Variants in ZMYM2 observed in about 807,000 individuals in gnomAD.
ZMYM2 encodes zinc finger MYM-type protein 2.
In ZMYM2, 56 loss-of-function variants were observed where a neutral mutation model predicts 162.8. That is an observed-to-expected ratio of 0.34 (90% CI 0.28 to 0.43). ZMYM2 has a LOEUF of 0.43. Among genes scored for constraint, ZMYM2 ranks in the 20% least tolerant of loss-of-function variants. ZMYM2 has a pLI of 1.00. For synonymous variants in ZMYM2, 510 were observed against 541.6 expected (o/e 0.94, Z 0.81); for missense variants, 1,275 against 1,621.8 (o/e 0.79, Z 3.67).
chr13:20,058,207 A>G (rs1354374451), intron 14 of ZMYM2, among the ~76,000 whole-genome samples: 1 of 152,184 alleles, frequency 6.6e-6, no homozygotes, highest in Admixed American at 6.5e-5. Context: ...TAACTGTTGG[A>G]TCTTCTTTTT....
At chr13:19,938,163 A>C in the ZMYM2 span, among the ~76,000 whole-genome samples, 1 of 152,100 alleles carries the variant, frequency 6.6e-6, no homozygotes, top group Non-Finnish European at 1.5e-5. Flanking sequence ...TTGGGTATAT[A>C]CCCAGTAATG....
chr13:19,882,499 C>CAA, the ZMYM2 span, among the ~76,000 whole-genome samples: 1 of 152,130 alleles, frequency 6.6e-6, no homozygotes, highest in African/African-American at 2.4e-5. Flanking sequence ...GTAATCCTAG[C>CAA]ATTTTGGGAG....
intron 3 of ZMYM2, among the ~76,000 whole-genome samples, chr13:20,001,523 A>G (rs980274295): frequency 6.6e-6 from 1 of 152,114 alleles, no homozygotes; most frequent in African/African-American, 2.4e-5. Flanking sequence ...AGATGAATCT[A>G]TTCCTGGTGA....
At chr13:19,974,534 G>A (rs1027395883) in intron 2 of ZMYM2, among the ~76,000 whole-genome samples, 6 of 150,980 alleles carry the variant, frequency 4.0e-5, no homozygotes, top group Non-Finnish European at 7.4e-5. Context: ...GGAGTGCAGT[G>A]GTGTGATCTC....
intron 22 of ZMYM2, 97 bp downstream of exon 22, chr13:20,082,227 T>G: frequency 1.1e-6 from 1 of 920,466 alleles, no homozygotes. Context: ...TCACTTAAAT[T>G]AGATAACATT....
At chr13:19,918,564 T>C in the ZMYM2 span, among the ~76,000 whole-genome samples, 2 of 145,310 alleles carry the variant, frequency 1.4e-5, no homozygotes, top group Non-Finnish European at 1.5e-5. Context: ...AGTGGCATGA[T>C]CTTGGCTCAC....
chr13:19,958,980 C>G (rs1184706705), intron 1 of ZMYM2, 139 bp downstream of exon 1: 1 of 151,972 alleles, frequency 6.6e-6, no homozygotes, highest in Non-Finnish European at 1.5e-5. Flanking sequence ...CCTCCGGAGC[C>G]TCCCACCGAC....
At chr13:20,076,547 GT>G (rs2140989563) in intron 21 of ZMYM2, among the ~76,000 whole-genome samples, 1 of 150,436 alleles carries the variant, frequency 6.6e-6, no homozygotes, top group African/African-American at 2.5e-5. Flanking sequence ...TAGTTTGTGA[GT>G]TTCTTGTTTA....
chr13:19,880,589 C>T, the ZMYM2 span, among the ~76,000 whole-genome samples: 3 of 151,966 alleles, frequency 2.0e-5, no homozygotes, highest in East Asian at 1.9e-4. Context: ...CCGCCACGCC[C>T]GGCTAATTTT....
the ZMYM2 span, among the ~76,000 whole-genome samples, chr13:19,924,343 C>A: frequency 2.0e-5 from 3 of 152,006 alleles, no homozygotes; most frequent in Non-Finnish European, 4.4e-5. Context: ...GCAGGTGGAT[C>A]GCTTGAGCCC....
chr13:19,895,503 G>C, the ZMYM2 span, among the ~76,000 whole-genome samples: 11 of 152,024 alleles, frequency 7.2e-5, no homozygotes, highest in African/African-American at 2.4e-4. Context: ...GGGACTCTCT[G>C]AAGTGTCTCA....
At chr13:20,002,037 G>A (rs1280881698) in intron 3 of ZMYM2, among the ~76,000 whole-genome samples, 5 of 152,186 alleles carry the variant, frequency 3.3e-5, no homozygotes, top group Admixed American at 1.3e-4. Context: ...TCTGAGATAT[G>A]CCTGTATACA....
intron 10 of ZMYM2, 98 bp downstream of exon 10, chr13:20,031,533 TA>T (rs1266501125): frequency 1.3e-6 from 1 of 778,112 alleles, no homozygotes; most frequent in African/African-American, 1.8e-5. Context: ...TCTTGGTAGA[TA>T]AAAATATGCT....
intron 2 of ZMYM2, among the ~76,000 whole-genome samples, chr13:19,980,791 T>C (rs1485294247): frequency 6.6e-6 from 1 of 151,614 alleles, no homozygotes; most frequent in Non-Finnish European, 1.5e-5. Context: ...TTTCCTGTTC[T>C]TGCTTATTTT....
At chr13:19,974,729 C>T (rs1020050486) in intron 2 of ZMYM2, among the ~76,000 whole-genome samples, 26 of 152,220 alleles carry the variant, frequency 1.7e-4, no homozygotes, top group African/African-American at 5.8e-4. Flanking sequence ...CTCAGCCTCC[C>T]GAAGTGCTGG....
chr13:19,951,010 T>A, the ZMYM2 span, among the ~76,000 whole-genome samples: 1 of 152,210 alleles, frequency 6.6e-6, no homozygotes, highest in Admixed American at 6.5e-5. Flanking sequence ...ACGTAAGATT[T>A]TTTTGTGTGT....
intron 9 of ZMYM2, among the ~76,000 whole-genome samples, chr13:20,030,909 T>G (rs1003804064): frequency 1.3e-5 from 2 of 152,182 alleles, no homozygotes; most frequent in Non-Finnish European, 2.9e-5. Flanking sequence ...CATTAGTAAA[T>G]TAGATATTTG....
chr13:19,931,038 C>T, the ZMYM2 span, among the ~76,000 whole-genome samples: 1 of 150,892 alleles, frequency 6.6e-6, no homozygotes, highest in Admixed American at 6.6e-5. Flanking sequence ...ACTTGGGGGG[C>T]TGAGGCAGGA....
intron 1 of ZMYM2, among the ~76,000 whole-genome samples, chr13:19,959,332 TC>T (rs1954911511): frequency 6.6e-6 from 1 of 151,900 alleles, no homozygotes; most frequent in Non-Finnish European, 1.5e-5. Flanking sequence ...GGAGCCGAGG[TC>T]CCCAAGTTTT....
Sources: gnomAD v4.1 joint callset for allele counts (sites outside exome capture counted in the v4.1 genomes callset) on GRCh38, gnomAD v4.1.1 for gene constraint, MANE v1.5 for transcripts, NCBI Gene and HGNC (gene_info 2026-07-23, HGNC 2026-07-21) for gene names.